The following CTIF variants were observed in gnomAD, a reference collection of about 807,000 sequenced individuals.
CTIF encodes the protein CBP80/20-dependent translation initiation factor.
A neutral mutation model predicts 66.0 loss-of-function variants in CTIF; 21 were observed. The ratio of observed to expected loss-of-function variants is 0.32; its 90% CI spans 0.23 to 0.46. The LOEUF (loss-of-function observed/expected upper bound fraction) is 0.46, where lower values mean the gene tolerates loss of function less well. CTIF is among the 20% of genes least tolerant of loss of function. The pLI, the probability that CTIF is intolerant of heterozygous loss-of-function variation, is 1.00. For missense variants in CTIF, 739 were observed against 812.7 expected (o/e 0.91, Z 1.10); for synonymous variants, 345 against 326.4 (o/e 1.06, Z -0.62).
At chr18:48,735,476 C>G (rs371338442) in intron 7 of CTIF, among the ~76,000 whole-genome samples, 12 of 152,108 alleles carry the variant, frequency 7.9e-5, no homozygotes, top group Non-Finnish European at 1.2e-4. Flanking sequence ...GGAGGGACAG[C>G]CGGCGCACAG....
At chr18:48,721,076 C>T (rs2092330510) in intron 7 of CTIF, among the ~76,000 whole-genome samples, 1 of 152,188 alleles carries the variant, frequency 6.6e-6, no homozygotes, top group Non-Finnish European at 1.5e-5. Context: ...GTGGGCATCC[C>T]CTAGTTCTGT....
At chr18:48,548,678 G>A (rs6507852) in intron 1 of CTIF, among the ~76,000 whole-genome samples, 107,281 of 152,206 alleles carry the variant, frequency 0.7, 39,357 homozygotes, top group East Asian at 0.95. Context: ...CAGGGATTCC[G>A]AGAAAGCACC....
chr18:48,733,225 G>A (rs906285634), intron 7 of CTIF, among the ~76,000 whole-genome samples: 13 of 147,674 alleles, frequency 8.8e-5, no homozygotes, highest in African/African-American at 9.8e-5. Flanking sequence ...GGGAGGAGGC[G>A]AGGAGGGGCC....
rs141766192 is a variant in CTIF at position 48,670,606 on chromosome 18, C to T, written c.432-63C>T. 829 of 1,446,686 alleles carry T rather than the reference C, an allele frequency of 5.7e-4. 7 individuals carry two copies. In the African/African-American group the frequency reaches 9.7e-3, roughly 17 times the overall value. The allele number at this position is 1,446,686 out of a possible 1,614,324, so 89.6% of individuals were successfully genotyped here. On this transcript the variant is annotated intron_variant, in intron 5 of 11. Coordinates refer to ENST00000256413, the MANE Select transcript of CTIF (RefSeq NM_014772.3). Reference sequence around the variant, plus strand: ...TGACTGTCCCTCCTCTCCTGCTGGCCGGATGGGACAGGAGGCATGAATGAG... The same window carrying T: ...TGACTGTCCCTCCTCTCCTGCTGGCTGGATGGGACAGGAGGCATGAATGAG...
intron 1 of CTIF, among the ~76,000 whole-genome samples, chr18:48,596,375 T>C (rs950072913): frequency 2.6e-5 from 4 of 152,116 alleles, no homozygotes; most frequent in African/African-American, 9.7e-5. Context: ...TTGCTGGAAC[T>C]CCATTCATCA....
In CTIF at chr18:48,614,881, T is replaced by G. The variant is rs550530017; in HGVS notation, c.-28-4657T>G. ...TTGGTTTGGTTGGTTGGTTGTTTTT[T>G]TTGTTGTTGTTGTTTTGTTTTGTTT... is the stretch of plus-strand genomic sequence containing the variant. On this transcript the variant is annotated intron_variant, in intron 1 of 11. Transcript: ENST00000256413. 6.6e-5 allele frequency among the ~76,000 whole-genome samples: 10 copies of G among 151,272 alleles called. No individual in the cohort carries two copies. In the South Asian group the frequency reaches 1.1e-3, roughly 16 times the overall value.
chr18:48,846,273 C>CT (rs976074271), intron 10 of CTIF, among the ~76,000 whole-genome samples: 9 of 152,320 alleles, frequency 5.9e-5, no homozygotes, highest in Admixed American at 5.9e-4. Flanking sequence ...TGCCATATGC[C>CT]TGGAGTTCTC....
At chr18:48,801,645 T>TC (rs1334998982) in intron 9 of CTIF, among the ~76,000 whole-genome samples, 199 of 152,336 alleles carry the variant, frequency 1.3e-3, no homozygotes, top group African/African-American at 4.7e-3. Flanking sequence ...ATAAATAGCT[T>TC]AGTAACGCCT....
rs144715507 is a variant in CTIF at position 48,759,706 on chromosome 18, G to A, written c.1071+1301G>A. 2.1e-3 allele frequency among the ~76,000 whole-genome samples: 325 copies of A among 152,362 alleles called. 1 individual carries two copies. The highest frequency in any genetic ancestry group is 6.9e-3 in the African/African-American group (285 of 41,592). On this transcript the variant is annotated intron_variant, in intron 8 of 11. Transcript: ENST00000256413. ...GACTGTGAAGGTTAAATGAAATAAC[G>A]TGTACAGATATGTTCTTGTGGGTAT...
At chr18:48,834,316 CTG>C (rs1196088219) in intron 10 of CTIF, among the ~76,000 whole-genome samples, 1 of 152,212 alleles carries the variant, frequency 6.6e-6, no homozygotes, top group African/African-American at 2.4e-5. Flanking sequence ...TTTATGGACA[CTG>C]AGATTTGAAT....
chr18:48,645,395 A>C (rs921232049), intron 3 of CTIF, among the ~76,000 whole-genome samples: 1 of 152,146 alleles, frequency 6.6e-6, no homozygotes, highest in Non-Finnish European at 1.5e-5. Flanking sequence ...GCAAAACAAA[A>C]AACTTTTCGA....
At chr18:48,595,130 G>A (rs1260439304) in intron 1 of CTIF, among the ~76,000 whole-genome samples, 1 of 152,198 alleles carries the variant, frequency 6.6e-6, no homozygotes, top group Non-Finnish European at 1.5e-5. Context: ...ATGGACCCCC[G>A]AGCCTGGCCA....
chr18:48,709,596 G>A (rs2092201133), intron 6 of CTIF, among the ~76,000 whole-genome samples: 1 of 152,336 alleles, frequency 6.6e-6, no homozygotes, highest in South Asian at 2.1e-4. Flanking sequence ...TCGGCTTCCT[G>A]TCCATTGTCT....
At chr18:48,846,612 T>C (rs1019547623) in intron 10 of CTIF, among the ~76,000 whole-genome samples, 13 of 151,484 alleles carry the variant, frequency 8.6e-5, no homozygotes, top group African/African-American at 3.2e-4. Context: ...GATGGATGGA[T>C]GGATGAGTAG....
chr18:48,708,144 T>C lies in CTIF; in HGVS notation c.508-3475T>C, dbSNP rs545903973. Among the ~76,000 whole-genome samples, 3 of 152,366 alleles carry C rather than the reference T, an allele frequency of 2.0e-5. No individual in the cohort carries two copies. The South Asian group carries it at 6.2e-4, about 32-fold the overall frequency. ...GTGGACGGGCACTAGGTTGTTGCCA[T>C]GTTTTGGCTCTTATGAACAATGCTG... On this transcript the variant is annotated intron_variant, in intron 6 of 11. Coordinates refer to ENST00000256413, the MANE Select transcript of CTIF (RefSeq NM_014772.3).
At chr18:48,805,403 G>A (rs186537136) in intron 9 of CTIF, among the ~76,000 whole-genome samples, 148 of 147,680 alleles carry the variant, frequency 1.0e-3, no homozygotes, top group African/African-American at 3.3e-3. Flanking sequence ...CTTCACTGGT[G>A]GGGGGGACCA....
chr18:48,643,769 A>G (rs576036437), intron 3 of CTIF, among the ~76,000 whole-genome samples: 2 of 152,094 alleles, frequency 1.3e-5, no homozygotes, highest in African/African-American at 4.8e-5. Context: ...TCATTTTGGG[A>G]TATTGTTTTC....
chr18:48,664,626 G>T lies in CTIF; in HGVS notation c.431+75G>T, dbSNP rs2144921287. 6 of 1,259,424 alleles carry T rather than the reference G, an allele frequency of 4.8e-6. No homozygotes were observed. The South Asian group carries it at 7.3e-5, about 15-fold the overall frequency. 78.0% of individuals were successfully genotyped at this position (1,259,424 alleles called of 1,614,324 possible). On this transcript the variant is annotated intron_variant, in intron 5 of 11. Coordinates refer to ENST00000256413, the MANE Select transcript of CTIF (RefSeq NM_014772.3). The stretch of plus-strand genomic sequence containing the variant: ...GAGTGGCCTTTGCCTCCACAGGGAG[G>T]CTGCTCTGCTGCACAGGGGACTCAG...
chr18:48,571,410 C>T (rs1024656473), intron 1 of CTIF, among the ~76,000 whole-genome samples: 2 of 152,214 alleles, frequency 1.3e-5, no homozygotes, highest in African/African-American at 4.8e-5. Flanking sequence ...CCCTCCTCGG[C>T]CTCCCAAAGT....
Sources: gnomAD v4.1 joint callset for allele counts (sites outside exome capture counted in the v4.1 genomes callset) on GRCh38, gnomAD v4.1.1 for gene constraint, MANE v1.5 for transcripts, NCBI Gene and HGNC (gene_info 2026-07-23, HGNC 2026-07-21) for gene names.